The following DLG2 variants were observed in gnomAD, a reference collection of about 807,000 sequenced individuals.
DLG2 encodes the protein discs large MAGUK scaffold protein 2.
DLG2 carries 45 observed loss-of-function variants against 132.5 expected under a neutral mutation model. The ratio of observed to expected loss-of-function variants is 0.34; its 90% confidence interval spans 0.27 to 0.44. DLG2 has a LOEUF of 0.44. Among genes scored for constraint, DLG2 ranks in the 20% least tolerant of loss-of-function variants. DLG2 has a pLI of 1.00. For missense variants in DLG2, 1,045 were observed against 1,196.9 expected (o/e 0.87, Z 1.87); for synonymous variants, 424 against 419.6 (o/e 1.01, Z -0.13).
chr11:83,491,339 A>C (rs2093832890), intron 21 of DLG2, among the ~76,000 whole-genome samples: 1 of 152,072 alleles, frequency 6.6e-6, no homozygotes, highest in African/African-American at 2.4e-5. Flanking sequence ...ATTATTTATG[A>C]AACTGTGGGA....
At chr11:85,345,871 T>C (rs1190022562) in intron 3 of DLG2, among the ~76,000 whole-genome samples, 5 of 152,016 alleles carry the variant, frequency 3.3e-5, no homozygotes, top group Non-Finnish European at 5.9e-5. Context: ...TAACTATTGC[T>C]TTAAAAAAAA....
At chr11:84,409,546 AC>A (rs754595192) in intron 7 of DLG2, among the ~76,000 whole-genome samples, 58 of 152,238 alleles carry the variant, frequency 3.8e-4, no homozygotes, top group Non-Finnish European at 7.6e-4. Flanking sequence ...TACATGTACC[AC>A]ACTTAATACT....
intron 18 of DLG2, among the ~76,000 whole-genome samples, chr11:83,784,620 A>G (rs1324460982): frequency 6.6e-6 from 1 of 152,272 alleles, no homozygotes. Context: ...TTGATAAACT[A>G]CAGCATAGTA....
At chr11:84,270,389 G>A (rs772790670) in intron 7 of DLG2, among the ~76,000 whole-genome samples, 1 of 152,152 alleles carries the variant, frequency 6.6e-6, no homozygotes, top group Non-Finnish European at 1.5e-5. Flanking sequence ...CTCTAGGGGA[G>A]GATCTAATAT....
chr11:84,280,804 T>G (rs2097846238), intron 7 of DLG2, among the ~76,000 whole-genome samples: 1 of 151,002 alleles, frequency 6.6e-6, no homozygotes, highest in Non-Finnish European at 1.5e-5. Flanking sequence ...TTCACGCCAT[T>G]CTCCTGCCTC....
chr11:84,616,748 G>A (rs2099605067), intron 6 of DLG2, among the ~76,000 whole-genome samples: 1 of 152,022 alleles, frequency 6.6e-6, no homozygotes, highest in South Asian at 2.1e-4. Context: ...TCATTATGAA[G>A]ACAAATGAAA....
rs1359783471 is a variant in DLG2, at chr11:85,626,728, C to G, written c.-234G>C. On this transcript the variant is annotated 5_prime_UTR_variant, in exon 2 of 28. Transcript: ENST00000376104. ...AACTGTTGCAAACCACTTCAGTGTT[C>G]AGTTTTGAAATCCAGGCTGAGTCTT... 2 of 152,154 alleles carry G rather than the reference C, an allele frequency of 1.3e-5. No individual in the cohort carries two copies. Among genetic ancestry groups the G allele is most frequent in the Non-Finnish European group, 2.9e-5 (2 of 68,032 alleles). 9.4% of individuals were successfully genotyped at this position (152,154 alleles called of 1,614,324 possible). A position where few individuals can be genotyped will look rare whatever the true frequency, so the allele number is the denominator to read the frequency against.
intron 6 of DLG2, among the ~76,000 whole-genome samples, chr11:84,627,690 A>G (rs1301312333): frequency 1.3e-5 from 2 of 152,218 alleles, no homozygotes; most frequent in African/African-American, 2.4e-5. Context: ...AAAGAAGTTT[A>G]ATTGGCTTAA....
At chr11:85,162,462 A>G (rs1209252832) in intron 4 of DLG2, among the ~76,000 whole-genome samples, 1 of 152,220 alleles carries the variant, frequency 6.6e-6, no homozygotes, top group Admixed American at 6.5e-5. Context: ...AATGGTTAGT[A>G]GAAGAAGGTA....
intron 19 of DLG2, among the ~76,000 whole-genome samples, chr11:83,606,221 C>T: frequency 6.6e-6 from 1 of 152,146 alleles, no homozygotes; most frequent in Non-Finnish European, 1.5e-5. Context: ...CACTACTATA[C>T]ATACTAGCAT....
In DLG2 at chr11:84,587,708, C is replaced by T. The variant is rs571148380; in HGVS notation, c.358-52977G>A. On this transcript the variant is annotated intron_variant, in intron 6 of 27. Transcript: ENST00000376104. ...TATTCCTTGGTCAGATTCACTCCTGCAGTGATCGGCAAAATACTCCTAGAA... is the reference window on the plus strand; with the variant it reads ...TATTCCTTGGTCAGATTCACTCCTGTAGTGATCGGCAAAATACTCCTAGAA... Among the ~76,000 whole-genome samples, 39 of 152,226 alleles carry T rather than the reference C, an allele frequency of 2.6e-4. 1 individual carries two copies. Among genetic ancestry groups the T allele is most frequent in the African/African-American group, 7.9e-4 (33 of 41,526 alleles).
At chr11:84,641,998 G>C (rs1286067953) in intron 6 of DLG2, among the ~76,000 whole-genome samples, 1 of 139,888 alleles carries the variant, frequency 7.1e-6, no homozygotes, top group African/African-American at 2.8e-5. Context: ...TGTGTGTGTG[G>C]ATATGTTTTA....
At chr11:84,098,099 A>T (rs1276602410) in intron 10 of DLG2, among the ~76,000 whole-genome samples, 1 of 133,924 alleles carries the variant, frequency 7.5e-6, no homozygotes, top group African/African-American at 2.9e-5. Context: ...CCCAGGCGGG[A>T]GTGCAGTGGC....
At chr11:83,758,210 C>A (rs1661496057) in intron 18 of DLG2, among the ~76,000 whole-genome samples, 1 of 152,136 alleles carries the variant, frequency 6.6e-6, no homozygotes, top group Non-Finnish European at 1.5e-5. Flanking sequence ...TCCAAACCTG[C>A]CACTTCTATT....
At chr11:84,257,232 T>C (rs1267819300) in intron 7 of DLG2, among the ~76,000 whole-genome samples, 1 of 152,174 alleles carries the variant, frequency 6.6e-6, no homozygotes, top group Non-Finnish European at 1.5e-5. Flanking sequence ...ATTTTAGTTC[T>C]CCATTGGAAC....
chr11:84,851,635 T>C (rs1332148481), intron 6 of DLG2, among the ~76,000 whole-genome samples: 1 of 152,036 alleles, frequency 6.6e-6, no homozygotes, highest in African/African-American at 2.4e-5. Flanking sequence ...AACCAACTTT[T>C]TGGGGAGTTG....
intron 3 of DLG2, among the ~76,000 whole-genome samples, chr11:85,428,303 C>T (rs942479009): frequency 1.1e-4 from 16 of 152,204 alleles, no homozygotes; most frequent in Non-Finnish European, 2.2e-4. Flanking sequence ...GAACTCTCCA[C>T]CCCAAATCAA....
intron 18 of DLG2, among the ~76,000 whole-genome samples, chr11:83,776,901 A>G (rs2094603104): frequency 6.6e-6 from 1 of 152,182 alleles, no homozygotes; most frequent in African/African-American, 2.4e-5. Flanking sequence ...CTGGTTTAGT[A>G]TTCTCTGAGT....
At chr11:85,425,072 AC>A (rs2090609256) in intron 3 of DLG2, among the ~76,000 whole-genome samples, 1 of 152,116 alleles carries the variant, frequency 6.6e-6, no homozygotes, top group South Asian at 2.1e-4. Context: ...TTCATGCCTT[AC>A]CCCATAAACC....
Sources: allele counts gnomAD v4.1 joint callset (sites outside exome capture counted in the v4.1 genomes callset), GRCh38; gene constraint gnomAD v4.1.1; transcripts MANE v1.5; gene names NCBI Gene and HGNC (gene_info 2026-07-23, HGNC 2026-07-21).